TGFB2: variants seen among roughly 807,000 people sequenced by gnomAD.
TGFB2 encodes transforming growth factor beta 2.
TGFB2 carries 13 observed loss-of-function variants against 42.7 expected under a neutral mutation model. The ratio of observed to expected loss-of-function variants is 0.30; its 90% CI spans 0.20 to 0.48. The LOEUF (loss-of-function observed/expected upper bound fraction) is 0.48. TGFB2 is among the 20% of genes least tolerant of loss of function. The pLI is 0.99. For synonymous variants in TGFB2, 193 were observed against 193.6 expected, an observed-to-expected ratio of 1.00 and a Z score of 0.03; for missense variants, 390 against 517.5, an observed-to-expected ratio of 0.75 and a Z score of 2.39.
intron 2 of TGFB2, among the ~76,000 whole-genome samples, chr1:218,422,542 C>T (rs564468946): frequency 3.3e-5 from 5 of 152,174 alleles, no homozygotes; most frequent in South Asian, 2.1e-4. Context: ...TCTAATGAAC[C>T]AGCACATCCC....
intron 1 of TGFB2, among the ~76,000 whole-genome samples, chr1:218,399,609 T>C (rs986576495): frequency 1.3e-5 from 2 of 152,176 alleles, no homozygotes; most frequent in Non-Finnish European, 2.9e-5. Flanking sequence ...GTCAGGTTTA[T>C]AGTAAAACAG....
chr1:218,432,062 T>A (rs954355473), intron 2 of TGFB2, among the ~76,000 whole-genome samples: 2 of 152,218 alleles, frequency 1.3e-5, no homozygotes, highest in African/African-American at 2.4e-5. Context: ...AATGTTTTCT[T>A]GACTCAATAA....
intron 2 of TGFB2, among the ~76,000 whole-genome samples, chr1:218,411,596 A>G (rs1659099649): frequency 6.6e-6 from 1 of 152,192 alleles, no homozygotes; most frequent in Non-Finnish European, 1.5e-5. Context: ...GAGGCTGGGC[A>G]TGGTGGCTTA....
intron 2 of TGFB2, among the ~76,000 whole-genome samples, chr1:218,420,278 T>C (rs1659414163): frequency 6.6e-6 from 1 of 152,206 alleles, no homozygotes; most frequent in Non-Finnish European, 1.5e-5. Context: ...GACAGTACAG[T>C]CTTGATTTAA....
At chr1:218,412,108 C>A (rs1291802987) in intron 2 of TGFB2, among the ~76,000 whole-genome samples, 1 of 152,196 alleles carries the variant, frequency 6.6e-6, no homozygotes, top group Admixed American at 6.5e-5. Flanking sequence ...CAGCATCATA[C>A]CTGGTGCCAG....
intron 6 of TGFB2, among the ~76,000 whole-genome samples, chr1:218,440,115 A>G (rs1470107708): frequency 2.0e-4 from 31 of 152,246 alleles, no homozygotes; most frequent in Admixed American, 2.0e-3. Context: ...GGCTAATTAT[A>G]GAACCGTCTC....
chr1:218,383,625 G>A (rs1658035101), intron 1 of TGFB2, among the ~76,000 whole-genome samples: 1 of 152,186 alleles, frequency 6.6e-6, no homozygotes, highest in Non-Finnish European at 1.5e-5. Flanking sequence ...GCAAGAAATG[G>A]CAGTCCTTGC....
chr1:218,425,838 C>T (rs915000714), intron 2 of TGFB2, among the ~76,000 whole-genome samples: 6 of 152,174 alleles, frequency 3.9e-5, no homozygotes, highest in Admixed American at 1.3e-4. Context: ...TTCAAAGTGC[C>T]TTGCCAATGC....
intron 1 of TGFB2, among the ~76,000 whole-genome samples, chr1:218,382,639 C>T (rs1483653355): frequency 6.6e-6 from 1 of 152,060 alleles, no homozygotes; most frequent in African/African-American, 2.4e-5. Context: ...TTCACAGTAC[C>T]ACCATGTCCC....
At chr1:218,393,826 G>A (rs116651938) in intron 1 of TGFB2, among the ~76,000 whole-genome samples, 21 of 152,208 alleles carry the variant, frequency 1.4e-4, no homozygotes, top group African/African-American at 4.8e-4. Flanking sequence ...TCACATTCAC[G>A]GTTTACCTGC....
In TGFB2 at chr1:218,434,195, T is replaced by G. The variant is rs755821914; in HGVS notation, c.624T>G (p.His208Gln). Residue 208 changes from histidine (H) to glutamine (Q), a missense_variant, in exon 3 of 7, where the codon CAT becomes CAG. Physicochemically the swap from His to Gln is conservative, Grantham distance 24 (BLOSUM62 0). Transcript: ENST00000366930. Reference protein sequence around the residue: ...WLSFDVTDAVHEWLHHKDRNL... With the variant: ...WLSFDVTDAVQEWLHHKDRNL... ...CCTTCGATGTAACTGATGCTGTTCA[T>G]GAATGGCTTCACCATAAAGGTTACA... 1 of 1,614,188 alleles carries G rather than the reference T, an allele frequency of 6.2e-7. No homozygotes were observed.
At chr1:218,378,405 G>A (rs1396961112) in intron 1 of TGFB2, among the ~76,000 whole-genome samples, 2 of 152,188 alleles carry the variant, frequency 1.3e-5, no homozygotes, top group Non-Finnish European at 2.9e-5. Flanking sequence ...TCGAAGTCCT[G>A]ACCTCAGGTG....
At chr1:218,367,555 C>A (rs564021737) in intron 1 of TGFB2, among the ~76,000 whole-genome samples, 2 of 152,052 alleles carry the variant, frequency 1.3e-5, no homozygotes, top group Non-Finnish European at 2.9e-5. Flanking sequence ...CTATAACTAC[C>A]GTAGATTTTT....
At chr1:218,396,262 G>A (rs556487019) in intron 1 of TGFB2, among the ~76,000 whole-genome samples, 1 of 152,214 alleles carries the variant, frequency 6.6e-6, no homozygotes, top group Non-Finnish European at 1.5e-5. Context: ...AGCCTATCAG[G>A]TGATTTTGAT....
chr1:218,393,924 T>G (rs966139662), intron 1 of TGFB2, among the ~76,000 whole-genome samples: 2 of 151,782 alleles, frequency 1.3e-5, no homozygotes, highest in African/African-American at 2.4e-5. Context: ...TTTTTTTTTT[T>G]TAGACAGAGC....
At chr1:218,388,918 G>A (rs1658226021) in intron 1 of TGFB2, among the ~76,000 whole-genome samples, 2 of 152,284 alleles carry the variant, frequency 1.3e-5, no homozygotes, top group African/African-American at 4.8e-5. Flanking sequence ...GGCCTTCTCA[G>A]CTGAATGTGC....
At position 218,437,436 on chromosome 1, in the gene TGFB2, T is replaced by C. The variant is rs769757873; in HGVS notation, c.1026T>C (p.Asn342=). 1.2e-6 allele frequency: 2 copies of C among 1,613,382 alleles called. No individual in the cohort carries two copies. Among genetic ancestry groups the C allele is most frequent in the Non-Finnish European group, 1.7e-6 (2 of 1,179,818 alleles). Reference sequence around the variant, plus strand: ...GGATACACGAACCCAAAGGGTACAATGCCAACTTCTGTGCTGGAGCATGCC... The same window carrying C: ...GGATACACGAACCCAAAGGGTACAACGCCAACTTCTGTGCTGGAGCATGCC... The part of the protein sequence containing the change: ...WKWIHEPKGY[N]ANFCAGACPY... Residue 342 remains asparagine (N), a synonymous_variant, in exon 6 of 7, where the codon AAT becomes AAC. Coordinates refer to ENST00000366930, the MANE Select transcript of TGFB2 (RefSeq NM_003238.6).
intron 1 of TGFB2, among the ~76,000 whole-genome samples, chr1:218,356,557 G>A (rs1203956965): frequency 2.6e-5 from 4 of 152,146 alleles, no homozygotes; most frequent in African/African-American, 9.7e-5. Context: ...GATCTCTGAA[G>A]GTTCATATGT....
intron 1 of TGFB2, among the ~76,000 whole-genome samples, chr1:218,361,257 G>C (rs1205080707): frequency 6.6e-6 from 1 of 152,128 alleles, no homozygotes; most frequent in Non-Finnish European, 1.5e-5. Context: ...CTAAGGCATT[G>C]GATCAGCACC....
Sources: gnomAD v4.1 joint callset for allele counts (sites outside exome capture counted in the v4.1 genomes callset) on GRCh38, gnomAD v4.1.1 for gene constraint, MANE v1.5 for transcripts, NCBI Gene and HGNC (gene_info 2026-07-23, HGNC 2026-07-21) for gene names.